WWOX: variants seen among roughly 807,000 people sequenced by gnomAD.
WWOX encodes the protein WW domain-containing oxidoreductase.
Under a neutral mutation model 46.2 loss-of-function variants are expected in WWOX, and 69 were observed. That is an observed-to-expected ratio of 1.49 (90% CI 1.23 to 1.82). The LOEUF is 1.82. Among genes scored for constraint, WWOX ranks in the 40% most tolerant of loss-of-function variants. The pLI, the probability that WWOX is intolerant of heterozygous loss-of-function variation, is 0.00. For missense variants in WWOX, 919 were observed against 542.6 expected, an observed-to-expected ratio of 1.69 and a Z score of -6.89; for synonymous variants, 359 against 202.6, an observed-to-expected ratio of 1.77 and a Z score of -6.56.
intron 8 of WWOX, among the ~76,000 whole-genome samples, chr16:78,754,295 T>C (rs894200365): frequency 6.6e-6 from 1 of 152,100 alleles, no homozygotes; most frequent in Non-Finnish European, 1.5e-5. Flanking sequence ...TCAGTGAGTT[T>C]CAGGAAGAAG....
intron 5 of WWOX, among the ~76,000 whole-genome samples, chr16:78,371,159 A>G (rs995920972): frequency 7.9e-5 from 12 of 152,148 alleles, no homozygotes; most frequent in Admixed American, 4.6e-4. Flanking sequence ...TTAAGTTGAT[A>G]CGCACAGTTC....
intron 8 of WWOX, among the ~76,000 whole-genome samples, chr16:78,608,085 T>C (rs1263127626): frequency 1.3e-5 from 2 of 152,184 alleles, no homozygotes; most frequent in Non-Finnish European, 2.9e-5. Flanking sequence ...ACCATTTTAG[T>C]GCATTTGATA....
At chr16:78,605,653 A>G (rs955498183) in intron 8 of WWOX, among the ~76,000 whole-genome samples, 1 of 152,230 alleles carries the variant, frequency 6.6e-6, no homozygotes, top group Non-Finnish European at 1.5e-5. Flanking sequence ...TCAGCTATCC[A>G]GAATTACAAC....
intron 8 of WWOX, among the ~76,000 whole-genome samples, chr16:78,661,362 C>T (rs1158605223): frequency 6.6e-6 from 1 of 152,122 alleles, no homozygotes; most frequent in East Asian, 1.9e-4. Flanking sequence ...TCTGAAGCGA[C>T]CACTTCATAA....
At chr16:78,108,630 G>T in intron 2 of WWOX, 143 bp downstream of exon 2, 1 of 883,872 alleles carries the variant, frequency 1.1e-6, no homozygotes, top group Non-Finnish European at 1.8e-6. Context: ...GGAGCTTATG[G>T]GATTTGGCAG....
chr16:78,187,186 C>A (rs1386305482), intron 5 of WWOX, among the ~76,000 whole-genome samples: 1 of 152,174 alleles, frequency 6.6e-6, no homozygotes, highest in Non-Finnish European at 1.5e-5. Flanking sequence ...CAAGTTAGTA[C>A]CAAATGATGC....
At chr16:78,365,341 C>G (rs1164651483) in intron 5 of WWOX, among the ~76,000 whole-genome samples, 3 of 152,058 alleles carry the variant, frequency 2.0e-5, no homozygotes, top group Non-Finnish European at 4.4e-5. Flanking sequence ...TTTTGTTTTT[C>G]TTTTTTACTT....
intron 8 of WWOX, among the ~76,000 whole-genome samples, chr16:78,918,011 G>C (rs1436693813): frequency 1.3e-5 from 2 of 152,110 alleles, no homozygotes; most frequent in African/African-American, 4.8e-5. Flanking sequence ...AAACCAGACT[G>C]GGCAACACAG....
At chr16:78,987,478 C>T (rs1162471892) in intron 8 of WWOX, among the ~76,000 whole-genome samples, 1 of 152,126 alleles carries the variant, frequency 6.6e-6, no homozygotes, top group Non-Finnish European at 1.5e-5. Flanking sequence ...GAGGATGAGA[C>T]AAATGGATTG....
intron 8 of WWOX, among the ~76,000 whole-genome samples, chr16:78,879,364 G>A (rs965117816): frequency 6.6e-6 from 1 of 152,182 alleles, no homozygotes; most frequent in South Asian, 2.1e-4. Context: ...GGTGTTTGCT[G>A]TTGTTTCAAA....
intron 8 of WWOX, among the ~76,000 whole-genome samples, chr16:78,716,049 G>A (rs2048553147): frequency 6.6e-6 from 1 of 151,358 alleles, no homozygotes; most frequent in African/African-American, 2.4e-5. Context: ...TCATCAAGAG[G>A]AATGTCTAAA....
At chr16:78,531,378 G>T (rs1206004171) in intron 8 of WWOX, among the ~76,000 whole-genome samples, 2 of 152,166 alleles carry the variant, frequency 1.3e-5, no homozygotes, top group African/African-American at 2.4e-5. Flanking sequence ...GAATGGTTCT[G>T]TTGGTTGAAT....
At chr16:78,737,892 A>C (rs1050786354) in intron 8 of WWOX, among the ~76,000 whole-genome samples, 4 of 152,140 alleles carry the variant, frequency 2.6e-5, no homozygotes, top group Admixed American at 2.6e-4. Flanking sequence ...TCCAAAGGCC[A>C]TGAGTTCCCA....
chr16:78,839,458 A>G lies in WWOX; in HGVS notation c.1057-372150A>G, dbSNP rs149113291. ...AACAAGATCCCCTTTCTAGGAACCCATGTGGATTACTATGGATTCAGAATG... is the reference window on the plus strand; with the variant it reads ...AACAAGATCCCCTTTCTAGGAACCCGTGTGGATTACTATGGATTCAGAATG... On this transcript the variant is annotated intron_variant, in intron 8 of 8. Transcript: ENST00000566780. Among the ~76,000 whole-genome samples the G allele has an allele frequency of 7.4e-3, 1,130 of 152,300 alleles. 12 individuals carry two copies. The highest frequency in any genetic ancestry group is 0.016 in the South Asian group (76 of 4,822).
chr16:79,158,245 A>G (rs2050420050), intron 8 of WWOX, among the ~76,000 whole-genome samples: 1 of 152,228 alleles, frequency 6.6e-6, no homozygotes, highest in South Asian at 2.1e-4. Context: ...ATGATCAGAA[A>G]CATTTTCAAA....
At chr16:79,206,883 C>A (rs1046409200) in intron 8 of WWOX, 2 of 152,150 alleles carry the variant, frequency 1.3e-5, no homozygotes, top group Admixed American at 6.5e-5. Context: ...CAAATGTGTC[C>A]CCTAAAAGAT....
At chr16:79,040,378 G>A (rs761561484) in intron 8 of WWOX, among the ~76,000 whole-genome samples, 2 of 150,010 alleles carry the variant, frequency 1.3e-5, no homozygotes, top group Non-Finnish European at 3.0e-5. Context: ...AGGCCCAAGC[G>A]ATCCTCCTGC....
chr16:78,580,726 G>C (rs1326221047), intron 8 of WWOX, among the ~76,000 whole-genome samples: 1 of 152,190 alleles, frequency 6.6e-6, no homozygotes, highest in Non-Finnish European at 1.5e-5. Context: ...TACTGCAGTG[G>C]TGAGAAAATG....
chr16:78,257,327 T>C (rs1187007432), intron 5 of WWOX, among the ~76,000 whole-genome samples: 1 of 152,172 alleles, frequency 6.6e-6, no homozygotes, highest in Non-Finnish European at 1.5e-5. Context: ...GCACAATGAT[T>C]GAAATATTTG....
Sources: allele counts gnomAD v4.1 joint callset (sites outside exome capture counted in the v4.1 genomes callset), GRCh38; gene constraint gnomAD v4.1.1; transcripts MANE v1.5; gene names NCBI Gene and HGNC (gene_info 2026-07-23, HGNC 2026-07-21).